The following PLCXD3 variants were observed in gnomAD, a reference collection of about 807,000 sequenced individuals.
The protein encoded by PLCXD3 is PI-PLC X domain-containing protein 3.
In PLCXD3, 19 loss-of-function variants were observed where a neutral mutation model predicts 25.5. The observed-to-expected ratio is 0.75, with a 90% CI of 0.52 to 1.09. The LOEUF (loss-of-function observed/expected upper bound fraction) is 1.09. PLCXD3 is among the 50% of genes least tolerant of loss of function. PLCXD3 has a pLI of 0.00. For missense variants in PLCXD3, 411 were observed against 388.1 expected, an observed-to-expected ratio of 1.06 and a Z score of -0.50; for synonymous variants, 174 against 137.6, an observed-to-expected ratio of 1.26 and a Z score of -1.85.
chr5:41,362,073 T>C (rs16871282), intron 2 of PLCXD3, among the ~76,000 whole-genome samples: 5,561 of 152,258 alleles, frequency 0.037, 345 homozygotes, highest in African/African-American at 0.13. Flanking sequence ...TTTAGAAATA[T>C]TCTGGGCAAG....
At chr5:41,432,130 G>A (rs559374331) in intron 1 of PLCXD3, among the ~76,000 whole-genome samples, 14 of 152,230 alleles carry the variant, frequency 9.2e-5, no homozygotes, top group Admixed American at 7.8e-4. Context: ...CTGGTTTCTT[G>A]CCCTCAGATA....
At chr5:41,332,517 C>T (rs1743850038) in intron 2 of PLCXD3, among the ~76,000 whole-genome samples, 1 of 152,136 alleles carries the variant, frequency 6.6e-6, no homozygotes, top group South Asian at 2.1e-4. Flanking sequence ...TAGTTCACCC[C>T]TTGTGAAAGT....
At chr5:41,485,135 A>T (rs1748491207) in intron 1 of PLCXD3, among the ~76,000 whole-genome samples, 1 of 152,178 alleles carries the variant, frequency 6.6e-6, no homozygotes, top group Non-Finnish European at 1.5e-5. Context: ...CATTTCATTC[A>T]CACATAATCT....
chr5:41,437,532 G>A lies in PLCXD3; in HGVS notation c.104-54998C>T, dbSNP rs537076494. On this transcript the variant is annotated intron_variant, in intron 1 of 2. Transcript: ENST00000377801. ...GAATGATGAAAAGGAAGGAGCAATG[G>A]ATCTCAGTTTTCTTTCTTCTAGACC... Among the ~76,000 whole-genome samples the A allele has an allele frequency of 2.6e-5, 4 of 152,288 alleles. No individual in the cohort carries two copies. The South Asian group carries it at 8.3e-4, about 32-fold the overall frequency.
At chr5:41,461,630 T>C (rs945285311) in intron 1 of PLCXD3, among the ~76,000 whole-genome samples, 1 of 151,972 alleles carries the variant, frequency 6.6e-6, no homozygotes, top group African/African-American at 2.4e-5. Context: ...TGTCTGATCA[T>C]CTTTCAAATG....
intron 1 of PLCXD3, among the ~76,000 whole-genome samples, chr5:41,428,390 T>A (rs1258719256): frequency 6.9e-6 from 1 of 145,502 alleles, no homozygotes; most frequent in East Asian, 1.9e-4. Context: ...TTGTTTTTGT[T>A]TTTGTTTTTT....
At chr5:41,490,362 T>C (rs555184185) in intron 1 of PLCXD3, among the ~76,000 whole-genome samples, 56 of 152,338 alleles carry the variant, frequency 3.7e-4, no homozygotes, top group African/African-American at 1.3e-3. Context: ...GATTTTTGCT[T>C]CAATGTTCAT....
chr5:41,478,848 G>A (rs756609656), intron 1 of PLCXD3, among the ~76,000 whole-genome samples: 23 of 152,180 alleles, frequency 1.5e-4, no homozygotes, highest in Non-Finnish European at 2.4e-4. Flanking sequence ...GCAGAAGGGC[G>A]AAGGGGAAGC....
chr5:41,434,051 A>C (rs1251623782), intron 1 of PLCXD3, among the ~76,000 whole-genome samples: 1 of 152,184 alleles, frequency 6.6e-6, no homozygotes, highest in Non-Finnish European at 1.5e-5. Context: ...GGAGCCATTC[A>C]CTTCTAACCC....
At chr5:41,428,383 TTTTTGTTTTTG>T (rs1747015358) in intron 1 of PLCXD3, among the ~76,000 whole-genome samples, 3 of 63,144 alleles carry the variant, frequency 4.8e-5, no homozygotes, top group Non-Finnish European at 8.8e-5. Context: ...AGTTTTTTTG[TTTTTGTTTTTG>T]TTTTTTTTAG....
chr5:41,507,957 G>A (rs1293055949), intron 1 of PLCXD3, among the ~76,000 whole-genome samples: 1 of 152,154 alleles, frequency 6.6e-6, no homozygotes, highest in Non-Finnish European at 1.5e-5. Context: ...AATTCTTAGT[G>A]CTGAGTAATG....
At chr5:41,419,972 A>C (rs1746781613) in intron 1 of PLCXD3, among the ~76,000 whole-genome samples, 2 of 152,224 alleles carry the variant, frequency 1.3e-5, no homozygotes, top group Admixed American at 1.3e-4. Flanking sequence ...TCCATGTTAG[A>C]GGTACATAGT....
chr5:41,313,897 G>C, intron 2 of PLCXD3, 127 bp from the exon 3 acceptor site: 1 of 1,109,166 alleles, frequency 9.0e-7, no homozygotes, highest in Non-Finnish European at 1.2e-6. Context: ...GTACAGGAAG[G>C]GGAAAAGGCC....
At chr5:41,496,780 G>C (rs988992612) in intron 1 of PLCXD3, among the ~76,000 whole-genome samples, 1 of 143,348 alleles carries the variant, frequency 7.0e-6, no homozygotes, top group Admixed American at 6.8e-5. Context: ...GATAAATATA[G>C]AGATAAATAC....
chr5:41,478,665 A>C lies in PLCXD3; in HGVS notation c.103+31759T>G, dbSNP rs563972484. Among the ~76,000 whole-genome samples, 5 of 152,334 alleles carry C rather than the reference A, an allele frequency of 3.3e-5. No individual in the cohort carries two copies. The East Asian group carries it at 9.6e-4, about 29-fold the overall frequency. ...ACTTAGCTAAATCACTCTTCAGCTA[A>C]TGGAAAACAAACAGCAAAGTGTAAA... On this transcript the variant is annotated intron_variant, in intron 1 of 2. Transcript: ENST00000377801.
At chr5:41,489,773 T>C (rs1262966341) in intron 1 of PLCXD3, among the ~76,000 whole-genome samples, 40 of 151,752 alleles carry the variant, frequency 2.6e-4, no homozygotes, top group Admixed American at 2.2e-3. Context: ...GTGATTTTTG[T>C]ACATTGATTT....
intron 1 of PLCXD3, among the ~76,000 whole-genome samples, chr5:41,496,050 G>C (rs1027011278): frequency 1.3e-5 from 2 of 151,950 alleles, no homozygotes; most frequent in Admixed American, 1.3e-4. Context: ...AGAAATTTTG[G>C]AGCTGAAGAA....
chr5:41,486,821 C>T (rs1209387410), intron 1 of PLCXD3, among the ~76,000 whole-genome samples: 1 of 152,172 alleles, frequency 6.6e-6, no homozygotes, highest in Non-Finnish European at 1.5e-5. Flanking sequence ...ATACTGTACT[C>T]ATCTCAATTT....
chr5:41,331,515 G>A (rs546076213), intron 2 of PLCXD3, among the ~76,000 whole-genome samples: 1 of 152,128 alleles, frequency 6.6e-6, no homozygotes, highest in Admixed American at 6.6e-5. Flanking sequence ...TGGCCATACT[G>A]CCCAAGGTAA....
Sources: allele counts gnomAD v4.1 joint callset (sites outside exome capture counted in the v4.1 genomes callset), GRCh38; gene constraint gnomAD v4.1.1; transcripts MANE v1.5; gene names NCBI Gene and HGNC (gene_info 2026-07-23, HGNC 2026-07-21).